Variants in CHN1 observed in about 807,000 individuals in gnomAD.
CHN1 encodes N-chimaerin.
CHN1 carries 37 observed loss-of-function variants against 59.5 expected under a neutral mutation model. That is an observed-to-expected ratio of 0.62 (90% CI 0.48 to 0.82). The LOEUF is 0.82. CHN1 is among the 40% of genes least tolerant of loss of function. CHN1 has a pLI of 0.00. For missense variants in CHN1, 469 were observed against 571.0 expected (o/e 0.82, Z 1.82); for synonymous variants, 206 against 200.4 (o/e 1.03, Z -0.24).
At chr2:175,000,207 C>T (rs923012963) in intron 1 of CHN1, among the ~76,000 whole-genome samples, 2 of 138,774 alleles carry the variant, frequency 1.4e-5, no homozygotes, top group South Asian at 2.3e-4. Flanking sequence ...GTGGTGTGAT[C>T]TCAGCTCACT....
At chr2:174,835,312 A>C (rs1686036966) in intron 7 of CHN1, among the ~76,000 whole-genome samples, 1 of 152,066 alleles carries the variant, frequency 6.6e-6, no homozygotes, top group Admixed American at 6.6e-5. Flanking sequence ...CTGCTTTTAC[A>C]ATTTTCTCCT....
chr2:174,875,978 T>C, intron 6 of CHN1: 1 of 244,572 alleles, frequency 4.1e-6, no homozygotes, highest in East Asian at 1.8e-4. Context: ...AATTATGTAC[T>C]GCCGCAGAGA....
chr2:174,904,299 A>C (rs1688477817), intron 5 of CHN1, among the ~76,000 whole-genome samples: 1 of 152,134 alleles, frequency 6.6e-6, no homozygotes, highest in African/African-American at 2.4e-5. Context: ...TAAATTAAAA[A>C]AATAAAAACT....
At chr2:174,894,476 A>G (rs571508208) in intron 5 of CHN1, among the ~76,000 whole-genome samples, 4 of 152,142 alleles carry the variant, frequency 2.6e-5, no homozygotes, top group Non-Finnish European at 5.9e-5. Flanking sequence ...AAAATAACAA[A>G]TGGTGAGGAT....
chr2:174,951,021 CGCCTGCCTCT>C, intron 2 of CHN1, among the ~76,000 whole-genome samples: 1 of 152,258 alleles, frequency 6.6e-6, no homozygotes, highest in South Asian at 2.1e-4. Context: ...TCAGGCAATC[CGCCTGCCTCT>C]GCCTCCCAAA....
chr2:174,827,950 G>A (rs903545939), intron 7 of CHN1, among the ~76,000 whole-genome samples: 5 of 152,118 alleles, frequency 3.3e-5, no homozygotes, highest in African/African-American at 1.2e-4. Context: ...GAAAGAGAGG[G>A]TCACTGATGG....
At chr2:174,914,600 A>G (rs971565729) in intron 5 of CHN1, among the ~76,000 whole-genome samples, 1 of 152,096 alleles carries the variant, frequency 6.6e-6, no homozygotes, top group African/African-American at 2.4e-5. Flanking sequence ...TAATCCCAGC[A>G]CTTTGGGAGG....
chr2:174,935,303 T>C (rs1382977474), intron 3 of CHN1, among the ~76,000 whole-genome samples: 1 of 152,180 alleles, frequency 6.6e-6, no homozygotes, highest in Non-Finnish European at 1.5e-5. Context: ...ACTTGAAACC[T>C]GAGGGCCTGG....
chr2:174,854,982 G>A (rs1686856581), intron 6 of CHN1, among the ~76,000 whole-genome samples: 1 of 152,042 alleles, frequency 6.6e-6, no homozygotes, highest in Non-Finnish European at 1.5e-5. Flanking sequence ...GAACATCCAT[G>A]CTCATACTCA....
chr2:174,918,964 A>T (rs1840634), intron 3 of CHN1, among the ~76,000 whole-genome samples: 71,438 of 151,654 alleles, frequency 0.47, 17,613 homozygotes, highest in African/African-American at 0.6. Context: ...CTCTCCATTC[A>T]GTTAGCATTT....
At position 174,850,802 on chromosome 2, in the gene CHN1, G is replaced by T. The variant is rs151337186; in HGVS notation, c.550-3845C>A. On this transcript the variant is annotated intron_variant, in intron 6 of 12. Coordinates refer to ENST00000409900, the MANE Select transcript of CHN1 (RefSeq NM_001822.7). ...ATATAATGACATGTATGCCAGCTGA[G>T]GAAGCAGATTAGGAGAGAAGTGGAA... Among the ~76,000 whole-genome samples, 3 of 152,284 alleles carry T rather than the reference G, an allele frequency of 2.0e-5. No individual in the cohort carries two copies. In the East Asian group the frequency reaches 5.8e-4, roughly 29 times the overall value.
At chr2:174,861,200 T>C (rs1558956483) in intron 6 of CHN1, among the ~76,000 whole-genome samples, 1 of 152,136 alleles carries the variant, frequency 6.6e-6, no homozygotes, top group Non-Finnish European at 1.5e-5. Context: ...GGAATGAAGA[T>C]AGTACCTATA....
intron 8 of CHN1, among the ~76,000 whole-genome samples, chr2:174,816,986 G>T (rs1054605479): frequency 6.6e-6 from 1 of 151,962 alleles, no homozygotes; most frequent in Non-Finnish European, 1.5e-5. Flanking sequence ...GAGGCTAAAT[G>T]ACTTGTTCAG....
chr2:174,888,089 C>T (rs1687942820), intron 5 of CHN1, among the ~76,000 whole-genome samples: 1 of 151,992 alleles, frequency 6.6e-6, no homozygotes, highest in African/African-American at 2.4e-5. Flanking sequence ...ATCAAAAGCA[C>T]CAGGAAAAAA....
At chr2:174,809,414 G>A (rs1000859039) in intron 10 of CHN1, among the ~76,000 whole-genome samples, 1 of 152,162 alleles carries the variant, frequency 6.6e-6, no homozygotes, top group Non-Finnish European at 1.5e-5. Flanking sequence ...CAGGATTCAT[G>A]GCACCTCGTC....
chr2:174,947,531 CTGG>C (rs1689882267), intron 2 of CHN1, among the ~76,000 whole-genome samples: 1 of 147,956 alleles, frequency 6.8e-6, no homozygotes, highest in Non-Finnish European at 1.5e-5. Flanking sequence ...GTCACCCAGG[CTGG>C]AGTGCAGTGG....
At chr2:174,924,234 G>A (rs530376807) in intron 3 of CHN1, among the ~76,000 whole-genome samples, 1 of 152,220 alleles carries the variant, frequency 6.6e-6, no homozygotes, top group South Asian at 2.1e-4. Flanking sequence ...ACCATACTAG[G>A]AAGAGGAAAC....
At chr2:174,867,450 T>C (rs757367134) in intron 6 of CHN1, among the ~76,000 whole-genome samples, 4 of 152,028 alleles carry the variant, frequency 2.6e-5, no homozygotes, top group Non-Finnish European at 5.9e-5. Context: ...AGAGTACTGG[T>C]TACCAATCAC....
Position 174,980,716 on chromosome 2 carries a change from T to C in CHN1, c.19+24178A>G, listed in dbSNP as rs146405656. On this transcript the variant is annotated intron_variant, in intron 1 of 12. Coordinates refer to ENST00000409900, the MANE Select transcript of CHN1 (RefSeq NM_001822.7). The stretch of plus-strand genomic sequence containing the variant: ...ATTAGCAGTAGACATCTAAAAAGCA[T>C]GAGATACATTTTTTTAAATGTGTAG... 4.1e-4 allele frequency among the ~76,000 whole-genome samples: 63 copies of C among 152,264 alleles called. No homozygotes were observed. The East Asian group carries it at 9.1e-3, about 22-fold the overall frequency.
Sources: gnomAD v4.1 joint callset for allele counts (sites outside exome capture counted in the v4.1 genomes callset) on GRCh38, gnomAD v4.1.1 for gene constraint, MANE v1.5 for transcripts, NCBI Gene and HGNC (gene_info 2026-07-23, HGNC 2026-07-21) for gene names.